Variants in FBXL17 observed in about 807,000 individuals in gnomAD.
FBXL17 encodes F-box/LRR-repeat protein 17.
FBXL17 carries 22 observed loss-of-function variants against 66.2 expected under a neutral mutation model. The observed-to-expected ratio is 0.33, with a 90% CI of 0.24 to 0.47. The LOEUF (loss-of-function observed/expected upper bound fraction) is 0.47, where lower values mean the gene tolerates loss of function less well. Among genes scored for constraint, FBXL17 ranks in the 20% least tolerant of loss-of-function variants. FBXL17 has a pLI of 1.00. For missense variants in FBXL17, 878 were observed against 948.2 expected (o/e 0.93, Z 0.97); for synonymous variants, 474 against 400.5 (o/e 1.18, Z -2.19).
chr5:107,876,038 AC>A (rs1310631556), intron 8 of FBXL17, among the ~76,000 whole-genome samples: 1 of 152,196 alleles, frequency 6.6e-6, no homozygotes, highest in Non-Finnish European at 1.5e-5. Context: ...ATTAGGGTGG[AC>A]CTTTCACAAT....
intron 4 of FBXL17, among the ~76,000 whole-genome samples, chr5:108,316,131 T>C (rs764994130): frequency 6.6e-6 from 1 of 151,464 alleles, no homozygotes; most frequent in African/African-American, 2.4e-5. Context: ...CTGTATATTA[T>C]GAAATCTAAT....
intron 3 of FBXL17, among the ~76,000 whole-genome samples, chr5:108,354,945 G>T (rs1427029077): frequency 6.6e-6 from 1 of 151,942 alleles, no homozygotes; most frequent in African/African-American, 2.4e-5. Flanking sequence ...AAAAGTGAAG[G>T]AGAAATAAAG....
At chr5:108,014,519 G>T (rs534333999) in intron 7 of FBXL17, among the ~76,000 whole-genome samples, 2 of 152,256 alleles carry the variant, frequency 1.3e-5, no homozygotes, top group East Asian at 1.9e-4. Flanking sequence ...CCTCTCAATA[G>T]ATTTGACATT....
At chr5:107,912,746 T>G (rs1304940633) in intron 7 of FBXL17, among the ~76,000 whole-genome samples, 1 of 152,196 alleles carries the variant, frequency 6.6e-6, no homozygotes, top group African/African-American at 2.4e-5. Context: ...ACTTCAGTTT[T>G]ATCTGTAGCA....
intron 6 of FBXL17, among the ~76,000 whole-genome samples, chr5:108,055,309 A>AACAAAAAAAAAAAAAC (rs1747654197): frequency 4.4e-5 from 1 of 22,524 alleles, no homozygotes; most frequent in African/African-American, 1.9e-4. Context: ...AAAAAAAAAA[A>AACAAAAAAAAAAAAAC]AAAAGAAAAA....
chr5:108,238,896 T>G (rs1414417331), intron 4 of FBXL17, among the ~76,000 whole-genome samples: 1 of 152,174 alleles, frequency 6.6e-6, no homozygotes, highest in African/African-American at 2.4e-5. Flanking sequence ...TTACAGTAAA[T>G]TAGTACAAAA....
At chr5:108,332,129 A>G (rs1760151830) in intron 4 of FBXL17, among the ~76,000 whole-genome samples, 1 of 152,186 alleles carries the variant, frequency 6.6e-6, no homozygotes, top group Non-Finnish European at 1.5e-5. Context: ...GATAGCAGTT[A>G]CCTTTGAAGG....
chr5:108,245,213 A>C (rs1050345226), intron 4 of FBXL17, among the ~76,000 whole-genome samples: 8 of 152,174 alleles, frequency 5.3e-5, no homozygotes, highest in South Asian at 4.1e-4. Context: ...GCACAGAAGC[A>C]AGAGCACGAC....
At position 108,381,241 on chromosome 5, in the gene FBXL17, C is replaced by A; in HGVS notation, c.451G>T (p.Ala151Ser). Residue 151 changes from alanine to serine, a missense_variant, in exon 1 of 9, where the codon GCC (alanine) becomes TCC (serine). Physicochemically the swap from Ala to Ser is moderately conservative, Grantham distance 99. Coordinates refer to ENST00000542267, the MANE Select transcript of FBXL17 (RefSeq NM_001163315.3). The part of the protein sequence containing the change: ...CKELGLAAAA[A>S]WEQQGRSLFL... The stretch of plus-strand genomic sequence containing the variant: ...AGACTTCGGCCCTGCTGCTCCCAGG[C>A]GGCGGCCGCAGCCAGCCCCAACTCT... 1 of 1,443,636 alleles carries A rather than the reference C, an allele frequency of 6.9e-7. No homozygotes were observed. Among genetic ancestry groups the A allele is most frequent in the Non-Finnish European group, 9.1e-7 (1 of 1,100,558 alleles). 89.4% of individuals were successfully genotyped at this position (1,443,636 alleles called of 1,614,324 possible). A position where few individuals can be genotyped will look rare whatever the true frequency, so the allele number is the denominator to read the frequency against.
chr5:107,874,886 A>C (rs1489788457), intron 8 of FBXL17, among the ~76,000 whole-genome samples: 1 of 152,216 alleles, frequency 6.6e-6, no homozygotes, highest in Non-Finnish European at 1.5e-5. Context: ...TTTCATCAGC[A>C]AAAGGAACAA....
intron 6 of FBXL17, among the ~76,000 whole-genome samples, chr5:108,037,130 T>A (rs573805330): frequency 6.6e-6 from 1 of 152,300 alleles, no homozygotes; most frequent in East Asian, 1.9e-4. Context: ...ATATCTCCTA[T>A]GCTAGGTAAG....
chr5:108,239,260 A>T (rs954369181), intron 4 of FBXL17, among the ~76,000 whole-genome samples: 2 of 152,236 alleles, frequency 1.3e-5, no homozygotes, highest in African/African-American at 4.8e-5. Context: ...GTGAGTGATC[A>T]CAGTATCTGG....
intron 1 of FBXL17, among the ~76,000 whole-genome samples, chr5:108,379,511 T>C: frequency 6.6e-6 from 1 of 152,144 alleles, no homozygotes; most frequent in East Asian, 1.9e-4. Context: ...AATATCACTG[T>C]AAAACAGACC....
intron 7 of FBXL17, among the ~76,000 whole-genome samples, chr5:107,996,413 C>G (rs1382541572): frequency 6.6e-6 from 1 of 152,198 alleles, no homozygotes; most frequent in Non-Finnish European, 1.5e-5. Context: ...CTCCTGGGTT[C>G]AAGTGAGTCT....
intron 6 of FBXL17, among the ~76,000 whole-genome samples, chr5:108,155,624 C>A (rs984723723): frequency 1.3e-5 from 2 of 152,258 alleles, no homozygotes; most frequent in South Asian, 2.1e-4. Context: ...ACTAGCAGAT[C>A]CCTGGAATGC....
intron 6 of FBXL17, among the ~76,000 whole-genome samples, chr5:108,092,623 G>A (rs927698293): frequency 1.3e-5 from 2 of 152,112 alleles, no homozygotes; most frequent in African/African-American, 4.8e-5. Context: ...GCAAGTGGGT[G>A]TATCTTTATG....
intron 4 of FBXL17, among the ~76,000 whole-genome samples, chr5:108,342,614 G>A (rs899031253): frequency 6.6e-6 from 1 of 152,140 alleles, no homozygotes; most frequent in African/African-American, 2.4e-5. Flanking sequence ...AATCCAAAGG[G>A]CTAGAGAAGA....
intron 7 of FBXL17, among the ~76,000 whole-genome samples, chr5:107,931,400 CA>C (rs1157540406): frequency 1.1e-4 from 17 of 151,908 alleles, no homozygotes; most frequent in African/African-American, 3.9e-4. Context: ...GCTGGAACTA[CA>C]GGTGTGTGTC....
intron 4 of FBXL17, among the ~76,000 whole-genome samples, chr5:108,325,004 A>C (rs1340683847): frequency 1.3e-5 from 2 of 152,118 alleles, no homozygotes. Flanking sequence ...AGTCAAAGTC[A>C]CAAAGACACA....
Sources: allele counts gnomAD v4.1 joint callset (sites outside exome capture counted in the v4.1 genomes callset), GRCh38; gene constraint gnomAD v4.1.1; transcripts MANE v1.5; gene names NCBI Gene and HGNC (gene_info 2026-07-23, HGNC 2026-07-21).